The following PCDHGA2 variants were observed in gnomAD, a reference collection of about 807,000 sequenced individuals.
PCDHGA2 encodes the protein protocadherin gamma-A2.
In PCDHGA2, 40 loss-of-function variants were observed where a neutral mutation model predicts 59.2. The observed-to-expected ratio is 0.68, with a 90% CI of 0.52 to 0.88. The LOEUF is 0.88. Among genes scored for constraint, PCDHGA2 ranks in the 40% least tolerant of loss-of-function variants. PCDHGA2 has a pLI of 0.00. For missense variants in PCDHGA2, 1,226 were observed against 1,204.0 expected (o/e 1.02, Z -0.27); for synonymous variants, 560 against 526.0 (o/e 1.06, Z -0.89).
chr5:141,495,386 G>C (rs2099760934), intron 2 of PCDHGA2, among the ~76,000 whole-genome samples: 1 of 152,214 alleles, frequency 6.6e-6, no homozygotes, highest in Non-Finnish European at 1.5e-5. Context: ...GGACTGGGCG[G>C]GGCATGGAGC....
intron 1 of PCDHGA2, chr5:141,389,107 T>C (rs1349471179): frequency 1.2e-6 from 2 of 1,613,940 alleles, no homozygotes; most frequent in Non-Finnish European, 8.5e-7. Context: ...GATGCTGTTC[T>C]AGACCGCGAG....
chr5:141,489,707 G>A lies in PCDHGA2; in HGVS notation c.2425-5100G>A. 6.2e-7 allele frequency: 1 copy of A among 1,614,194 alleles called. No individual in the cohort carries two copies. Among genetic ancestry groups the A allele is most frequent in the Non-Finnish European group, 8.5e-7 (1 of 1,180,022 alleles). The stretch of plus-strand genomic sequence containing the variant: ...TCTGGGGCACGATTCCCACTGGACA[G>A]TGCCCAGGATCCGGATGTGGGCACC... On this transcript the variant is annotated intron_variant, in intron 1 of 3. Transcript: ENST00000394576. The surrounding 1 kb of genome is among the most constrained non-coding windows in gnomAD (Gnocchi z 4.5).
chr5:141,345,881 C>G (rs1561491071), intron 1 of PCDHGA2: 2 of 1,613,318 alleles, frequency 1.2e-6, no homozygotes, highest in African/African-American at 2.7e-5. Flanking sequence ...AGCCGGGACT[C>G]TTCTCGGTGG....
At chr5:141,414,930 C>A (rs561548499) in intron 1 of PCDHGA2, 1 of 1,614,156 alleles carries the variant, frequency 6.2e-7, no homozygotes, top group South Asian at 1.1e-5. Flanking sequence ...CGCCCCGCTC[C>A]GCAGAGCCCG....
At chr5:141,473,168 A>G (rs1026233643) in intron 1 of PCDHGA2, among the ~76,000 whole-genome samples, 2 of 152,218 alleles carry the variant, frequency 1.3e-5, no homozygotes, top group Admixed American at 1.3e-4. Context: ...AGGAAGGCCC[A>G]CTGGTAACTT....
chr5:141,472,980 C>CAAAAAAAAAAAAAAAAAAGAAAAAAAA (rs60579131), intron 1 of PCDHGA2, among the ~76,000 whole-genome samples: 1 of 86,106 alleles, frequency 1.2e-5, no homozygotes, highest in Non-Finnish European at 2.5e-5. Flanking sequence ...GAGTGAAACT[C>CAAAAAAAAAAAAAAAAAAGAAAAAAAA]AAAAAAAAAA....
chr5:141,391,821 T>G (rs2092426299), intron 1 of PCDHGA2: 1 of 152,220 alleles, frequency 6.6e-6, no homozygotes, highest in African/African-American at 2.4e-5. Flanking sequence ...GTAGGTAAAG[T>G]TAATTTTAGA....
intron 1 of PCDHGA2, chr5:141,362,620 T>C (rs763103959): frequency 1.0e-4 from 160 of 1,526,964 alleles, no homozygotes; most frequent in Non-Finnish European, 1.4e-4. Context: ...GGGTAGGAAG[T>C]TCCACTGCGT....
At chr5:141,433,641 G>C (rs1177387884) in intron 1 of PCDHGA2, among the ~76,000 whole-genome samples, 1 of 152,104 alleles carries the variant, frequency 6.6e-6, no homozygotes, top group Admixed American at 6.5e-5. Flanking sequence ...TTTGAGACCA[G>C]CCTGACCAAC....
intron 1 of PCDHGA2, chr5:141,367,506 C>T (rs957460627): frequency 2.0e-4 from 30 of 151,946 alleles, no homozygotes; most frequent in African/African-American, 7.0e-4. Flanking sequence ...CACTGCACTC[C>T]AGCCTGGGAG....
intron 1 of PCDHGA2, chr5:141,420,334 T>C: frequency 7.1e-7 from 1 of 1,402,910 alleles, no homozygotes; most frequent in Non-Finnish European, 9.5e-7. Flanking sequence ...TATATTCCAA[T>C]ATAGTGGTAT....
rs1297208780 is a variant in PCDHGA2 at position 141,486,613 on chromosome 5, T to C, written c.2425-8194T>C. 2 of 1,613,658 alleles carry C rather than the reference T, an allele frequency of 1.2e-6. No individual in the cohort carries two copies. The highest frequency in any genetic ancestry group is 2.7e-5 in the African/African-American group (2 of 75,074). On this transcript the variant is annotated intron_variant, in intron 1 of 3. Coordinates refer to ENST00000394576, the MANE Select transcript of PCDHGA2 (RefSeq NM_018915.4). The surrounding 1 kb of genome is among the most constrained non-coding windows in gnomAD (Gnocchi z 5.0). ...ACCTGCTTTGCTCCCTTGCAGCCTC[T>C]GACCCAGACTCTGGCTTGAATGCGC...
intron 1 of PCDHGA2, chr5:141,370,503 A>G (rs748568683): frequency 1.2e-6 from 2 of 1,613,814 alleles, no homozygotes; most frequent in Non-Finnish European, 1.7e-6. Flanking sequence ...CCGCTACGCT[A>G]TTCCCGAGGA....
At chr5:141,427,566 C>A (rs1218268757) in intron 1 of PCDHGA2, 1 of 659,032 alleles carries the variant, frequency 1.5e-6, no homozygotes, top group Non-Finnish European at 2.8e-6. Context: ...CAAGGGCAAG[C>A]CTCCGCTCTC....
At chr5:141,400,999 TCCTA>T (rs1239504565) in intron 1 of PCDHGA2, among the ~76,000 whole-genome samples, 2 of 152,226 alleles carry the variant, frequency 1.3e-5, no homozygotes, top group African/African-American at 2.4e-5. Flanking sequence ...GCTTTCTTAT[TCCTA>T]CCTAATGGAT....
chr5:141,394,353 C>G (rs759128487), intron 1 of PCDHGA2: 11 of 1,614,178 alleles, frequency 6.8e-6, no homozygotes, highest in East Asian at 4.5e-5. Flanking sequence ...CACCGGTGTC[C>G]TGTATGCGCT....
intron 1 of PCDHGA2, chr5:141,478,106 G>T: frequency 6.2e-7 from 1 of 1,614,046 alleles, no homozygotes; most frequent in Non-Finnish European, 8.5e-7. Flanking sequence ...TACCCTCACT[G>T]TGTCAGTAAC....
chr5:141,383,833 A>T (rs1264167021), intron 1 of PCDHGA2: 2 of 1,613,926 alleles, frequency 1.2e-6, no homozygotes, highest in Non-Finnish European at 1.7e-6. Flanking sequence ...TTATGAAGAA[A>T]CTGCCTTCTA....
chr5:141,376,590 G>A (rs569935512), intron 1 of PCDHGA2: 9 of 1,570,160 alleles, frequency 5.7e-6, no homozygotes, highest in South Asian at 4.7e-5. Context: ...CAGCTAGATC[G>A]GCTGTTATAG....
Sources: allele counts gnomAD v4.1 joint callset (sites outside exome capture counted in the v4.1 genomes callset), GRCh38; gene constraint gnomAD v4.1.1; non-coding constraint Gnocchi (gnomAD v3.1); transcripts MANE v1.5; gene names NCBI Gene and HGNC (gene_info 2026-07-23, HGNC 2026-07-21).